Variants in SYCP1 observed in about 807,000 individuals in gnomAD.
SYCP1 encodes the protein cancer/testis antigen 8.
In SYCP1, 64 loss-of-function variants were observed where a neutral mutation model predicts 153.1. That is an observed-to-expected ratio of 0.42 (90% CI 0.34 to 0.51). The LOEUF is 0.51. SYCP1 is among the 20% of genes least tolerant of loss of function. The pLI is 0.06. For synonymous variants in SYCP1, 384 were observed against 341.8 expected (o/e 1.12, Z -1.36); for missense variants, 997 against 1,049.0 (o/e 0.95, Z 0.68).
chr1:114,969,406 A>T (rs1672336055), intron 27 of SYCP1, among the ~76,000 whole-genome samples: 1 of 152,110 alleles, frequency 6.6e-6, no homozygotes, highest in Non-Finnish European at 1.5e-5. Flanking sequence ...GGCTCTGCTT[A>T]GTTCGAACTT....
chr1:114,934,604 T>C (rs376198203), intron 23 of SYCP1, among the ~76,000 whole-genome samples: 1 of 152,076 alleles, frequency 6.6e-6, no homozygotes, highest in African/African-American at 2.4e-5. Context: ...AATTAAAAGA[T>C]ACAGACTGGC....
intron 20 of SYCP1, among the ~76,000 whole-genome samples, chr1:114,921,427 C>T (rs1668865844): frequency 6.6e-6 from 1 of 151,712 alleles, no homozygotes; most frequent in Non-Finnish European, 1.5e-5. Flanking sequence ...TCCTGTAATC[C>T]CAGCACTTTG....
At chr1:114,879,208 G>A (rs1665747242) in intron 12 of SYCP1, among the ~76,000 whole-genome samples, 1 of 152,034 alleles carries the variant, frequency 6.6e-6, no homozygotes, top group South Asian at 2.1e-4. Context: ...ACACTTAGAA[G>A]GCATAGTGTT....
At chr1:114,926,208 A>G in intron 21 of SYCP1, 70 bp from the exon 22 acceptor site, 1 of 1,197,926 alleles carries the variant, frequency 8.3e-7, no homozygotes, top group Non-Finnish European at 1.1e-6. Context: ...CAATATTTTT[A>G]TTAGTCTGAA....
At chr1:114,892,524 G>T (rs1457236414) in intron 15 of SYCP1, among the ~76,000 whole-genome samples, 1 of 152,134 alleles carries the variant, frequency 6.6e-6, no homozygotes, top group Non-Finnish European at 1.5e-5. Context: ...CTGGTAGCTG[G>T]CAGTGGCAGA....
intron 16 of SYCP1, among the ~76,000 whole-genome samples, chr1:114,898,691 A>C (rs1444806392): frequency 2.6e-5 from 4 of 152,174 alleles, no homozygotes; most frequent in Non-Finnish European, 5.9e-5. Flanking sequence ...TCATGATAGG[A>C]CTGAGTTGTT....
intron 16 of SYCP1, chr1:114,910,014 C>T (rs895640204): frequency 1.3e-5 from 2 of 153,360 alleles, no homozygotes; most frequent in Admixed American, 1.3e-4. Context: ...AACTCCTTAA[C>T]TACAATTAGT....
chr1:114,935,147 A>C (rs1240154928), intron 23 of SYCP1, among the ~76,000 whole-genome samples: 1 of 152,230 alleles, frequency 6.6e-6, no homozygotes, highest in Non-Finnish European at 1.5e-5. Context: ...AATTGACCAC[A>C]TAGTTGGAAG....
intron 27 of SYCP1, among the ~76,000 whole-genome samples, chr1:114,950,320 A>C (rs1392005688): frequency 6.6e-6 from 1 of 152,186 alleles, no homozygotes; most frequent in Non-Finnish European, 1.5e-5. Context: ...TTGAGAAATA[A>C]ACTTCTCTTG....
In SYCP1 at chr1:114,941,003, C is replaced by T. The variant is rs145649947; in HGVS notation, c.1927-3336C>T. ...AATATGTGCAACTTTTTATTACATA[C>T]GATAGAACTTTATGTGTATAGTTGT... On this transcript the variant is annotated intron_variant, in intron 23 of 31. Transcript: ENST00000369522. Among the ~76,000 whole-genome samples, 469 of 152,074 alleles carry T rather than the reference C, an allele frequency of 3.1e-3. 1 individual carries two copies. Among genetic ancestry groups the T allele is most frequent in the African/African-American group, 0.011 (439 of 41,482 alleles).
intron 30 of SYCP1, among the ~76,000 whole-genome samples, chr1:114,989,109 G>A (rs1186038516): frequency 6.6e-6 from 1 of 151,944 alleles, no homozygotes; most frequent in Non-Finnish European, 1.5e-5. Flanking sequence ...CAGGGATGCA[G>A]TGAGCCATAA....
intron 18 of SYCP1, 103 bp from the exon 19 acceptor site, chr1:114,912,930 C>T (rs762602529): frequency 1.5e-5 from 11 of 743,754 alleles, no homozygotes; most frequent in Non-Finnish European, 2.4e-5. Context: ...TGTTTTTCCC[C>T]CAGCCCTTCA....
At chr1:114,954,295 T>C (rs1214835755) in intron 27 of SYCP1, among the ~76,000 whole-genome samples, 1 of 151,974 alleles carries the variant, frequency 6.6e-6, no homozygotes, top group African/African-American at 2.4e-5. Context: ...GTGCAATAGA[T>C]TGTGTTTTTA....
chr1:114,857,136 C>CAAAAAAAAAAAAAAAAAAAAAAA lies in SYCP1; in HGVS notation c.194-75_194-74insAAAAAAAAAAAAAAAAAAAAAAA, dbSNP rs71582509. On this transcript the variant is annotated intron_variant, in intron 3 of 31. Transcript: ENST00000369522. The stretch of plus-strand genomic sequence containing the variant: ...ATAGTGCCAGATGTCCTCTCTCTCT[C>CAAAAAAAAAAAAAAAAAAAAAAA]AAAAAAAAAAAAAAAAAAAAAGAGA... 3.5e-4 allele frequency: 86 copies of CAAAAAAAAAAAAAAAAAAAAAAA among 245,198 alleles called. 2 individuals carry two copies. The highest frequency in any genetic ancestry group is 1.8e-3 in the African/African-American group (30 of 16,856). The allele number at this position is 245,198 out of a possible 1,614,324, so 15.2% of individuals were successfully genotyped here.
intron 23 of SYCP1, among the ~76,000 whole-genome samples, chr1:114,939,548 T>C (rs1484110041): frequency 6.6e-6 from 1 of 152,190 alleles, no homozygotes; most frequent in Non-Finnish European, 1.5e-5. Context: ...GAGAGTATGT[T>C]TGTCATGATT....
chr1:114,855,430 CG>C lies in SYCP1; in HGVS notation c.-24-7del. On this transcript the variant is annotated splice_polypyrimidine_tract_variant and intron_variant, in intron 1 of 31. Coordinates refer to ENST00000369522, the MANE Select transcript of SYCP1 (RefSeq NM_003176.4). ...AACTTTCCTTCCCCTCCCGCCCCCC[CG>C]GGGCAGTAGATATTTACAACCGTAA... 1 of 1,417,726 alleles carries C rather than the reference CG, an allele frequency of 7.1e-7. No individual in the cohort carries two copies. 87.8% of individuals were successfully genotyped at this position (1,417,726 alleles called of 1,614,324 possible). A position where few individuals can be genotyped will look rare whatever the true frequency, so the allele number is the denominator to read the frequency against.
At chr1:114,949,923 A>T (rs1670982593) in intron 27 of SYCP1, among the ~76,000 whole-genome samples, 1 of 152,188 alleles carries the variant, frequency 6.6e-6, no homozygotes, top group Non-Finnish European at 1.5e-5. Flanking sequence ...CTGATCATCT[A>T]TGAAAAAATA....
intron 15 of SYCP1, among the ~76,000 whole-genome samples, chr1:114,892,835 G>A (rs1666813535): frequency 6.6e-6 from 1 of 152,006 alleles, no homozygotes; most frequent in South Asian, 2.1e-4. Flanking sequence ...CCAGGGATAT[G>A]GAGATGCGGG....
intron 30 of SYCP1, 29 bp from the exon 31 acceptor site, chr1:114,994,669 A>C: frequency 6.7e-7 from 1 of 1,499,878 alleles, no homozygotes; most frequent in Non-Finnish European, 9.0e-7. Flanking sequence ...TGGTAAACCC[A>C]ACATCATATT....
Sources: allele counts gnomAD v4.1 joint callset (sites outside exome capture counted in the v4.1 genomes callset), GRCh38; gene constraint gnomAD v4.1.1; transcripts MANE v1.5; gene names NCBI Gene and HGNC (gene_info 2026-07-23, HGNC 2026-07-21).